Variants in ZNF804A observed in about 807,000 individuals in gnomAD.
ZNF804A encodes the protein zinc finger protein 804A.
In ZNF804A, 2 loss-of-function variants were observed where a neutral mutation model predicts 16.5. The ratio of observed to expected loss-of-function variants is 0.12; its 90% confidence interval spans 0.05 to 0.38. ZNF804A has a LOEUF of 0.38. Among genes scored for constraint, ZNF804A ranks in the 10% least tolerant of loss-of-function variants. The pLI is 0.99. For missense variants in ZNF804A, 1,473 were observed against 1,390.7 expected (o/e 1.06, Z -0.94); for synonymous variants, 534 against 489.6 (o/e 1.09, Z -1.20).
intron 1 of ZNF804A, among the ~76,000 whole-genome samples, chr2:184,841,360 G>T (rs922922878): frequency 2.0e-5 from 3 of 152,110 alleles, no homozygotes; most frequent in African/African-American, 7.2e-5. Context: ...CTTTTAAAAT[G>T]ATATTTGCAG....
intron 1 of ZNF804A, among the ~76,000 whole-genome samples, chr2:184,824,351 T>C (rs1176717692): frequency 6.6e-6 from 1 of 152,132 alleles, no homozygotes; most frequent in African/African-American, 2.4e-5. Flanking sequence ...AAAGTACATA[T>C]CTTTGGATGG....
chr2:184,818,689 C>CA (rs1172989623), intron 1 of ZNF804A, among the ~76,000 whole-genome samples: 3 of 149,590 alleles, frequency 2.0e-5, no homozygotes, highest in Non-Finnish European at 3.0e-5. Context: ...GACATAGGCT[C>CA]AAAAAAAAGG....
chr2:184,926,533 A>G (rs549430311), intron 2 of ZNF804A, among the ~76,000 whole-genome samples: 6 of 151,962 alleles, frequency 3.9e-5, no homozygotes, highest in African/African-American at 1.4e-4. Context: ...TTACTTGGAT[A>G]TTGGTAACTT....
chr2:184,886,935 A>G (rs1423407888), intron 2 of ZNF804A, among the ~76,000 whole-genome samples: 1 of 152,230 alleles, frequency 6.6e-6, no homozygotes, highest in African/African-American at 2.4e-5. Flanking sequence ...TGGGATTAAC[A>G]TCAGGTTCTT....
At chr2:184,904,290 T>C (rs1054704662) in intron 2 of ZNF804A, among the ~76,000 whole-genome samples, 1 of 152,082 alleles carries the variant, frequency 6.6e-6, no homozygotes, top group Non-Finnish European at 1.5e-5. Context: ...AAAAAATTTT[T>C]ATTAATTTTG....
intron 1 of ZNF804A, among the ~76,000 whole-genome samples, chr2:184,613,630 T>C (rs1691273785): frequency 6.6e-6 from 1 of 152,134 alleles, no homozygotes. Flanking sequence ...TAATTAATTC[T>C]TCTAAGGCAG....
At chr2:184,930,946 T>A (rs1685688660) in intron 2 of ZNF804A, among the ~76,000 whole-genome samples, 1 of 152,194 alleles carries the variant, frequency 6.6e-6, no homozygotes, top group Admixed American at 6.5e-5. Flanking sequence ...GACTCACAGT[T>A]CCACATGGCT....
chr2:184,742,930 C>G (rs1693731292), intron 1 of ZNF804A, among the ~76,000 whole-genome samples: 1 of 151,782 alleles, frequency 6.6e-6, no homozygotes, highest in Non-Finnish European at 1.5e-5. Context: ...TCTCATAGTT[C>G]ACAGTTTCAG....
At position 184,936,082 on chromosome 2, in the gene ZNF804A, C is replaced by T. The variant is rs1363387536; in HGVS notation, c.686C>T (p.Ser229Leu). The change falls in exon 4 of 4, where the codon TCA (serine) becomes TTA (leucine). Residue 229 changes from serine to leucine, a missense_variant. Coordinates refer to ENST00000302277, the MANE Select transcript of ZNF804A (RefSeq NM_194250.2). The stretch of plus-strand genomic sequence containing the variant: ...AAAGCGTCCGTGAAGCTAGAGTCCT[C>T]AGCTGCAGCCTTCTCTGAATACAGT... ...PKKASVKLES[S>L]AAAFSEYSDD... 1 of 1,613,962 alleles carries T rather than the reference C, an allele frequency of 6.2e-7. No individual in the cohort carries two copies. Among genetic ancestry groups the T allele is most frequent in the Non-Finnish European group, 8.5e-7 (1 of 1,179,966 alleles).
chr2:184,804,966 G>T (rs1008418105), intron 1 of ZNF804A, among the ~76,000 whole-genome samples: 2 of 152,020 alleles, frequency 1.3e-5, no homozygotes, highest in African/African-American at 4.8e-5. Flanking sequence ...ATGTATACCC[G>T]CAGATTTTCT....
intron 1 of ZNF804A, among the ~76,000 whole-genome samples, chr2:184,775,106 G>A (rs1036211343): frequency 2.0e-5 from 3 of 151,646 alleles, no homozygotes; most frequent in African/African-American, 7.3e-5. Context: ...CCTATTGTAA[G>A]TAATAATGTA....
chr2:184,704,845 T>C (rs1404402092), intron 1 of ZNF804A, among the ~76,000 whole-genome samples: 1 of 152,202 alleles, frequency 6.6e-6, no homozygotes, highest in African/African-American at 2.4e-5. Context: ...AACAACTGAC[T>C]GCTCAAACCT....
At chr2:184,698,689 A>G (rs769792301) in intron 1 of ZNF804A, among the ~76,000 whole-genome samples, 1 of 152,074 alleles carries the variant, frequency 6.6e-6, no homozygotes, top group Non-Finnish European at 1.5e-5. Context: ...TCAGCAGTTC[A>G]AGTATGTCAG....
intron 1 of ZNF804A, among the ~76,000 whole-genome samples, chr2:184,731,555 T>C (rs558321079): frequency 1.3e-5 from 2 of 149,918 alleles, no homozygotes; most frequent in African/African-American, 2.5e-5. Flanking sequence ...TCTGTTAAGG[T>C]CTTTAACGCT....
chr2:184,611,761 T>C (rs1013527850), intron 1 of ZNF804A, among the ~76,000 whole-genome samples: 2 of 152,290 alleles, frequency 1.3e-5, no homozygotes, highest in African/African-American at 4.8e-5. Context: ...ACAATTTTAT[T>C]AGTAAAGAGT....
intron 1 of ZNF804A, among the ~76,000 whole-genome samples, chr2:184,636,285 T>C (rs1250915932): frequency 2.0e-5 from 3 of 151,502 alleles, no homozygotes; most frequent in Non-Finnish European, 4.4e-5. Context: ...AATGCTGATA[T>C]TTTTATTTTC....
At chr2:184,857,802 G>A (rs1472649104) in intron 1 of ZNF804A, among the ~76,000 whole-genome samples, 3 of 151,868 alleles carry the variant, frequency 2.0e-5, no homozygotes, top group Non-Finnish European at 4.4e-5. Context: ...TCATTTGCAT[G>A]TACATCTTTT....
At chr2:184,924,246 T>C (rs1474224018) in intron 2 of ZNF804A, among the ~76,000 whole-genome samples, 3 of 151,972 alleles carry the variant, frequency 2.0e-5, no homozygotes, top group Non-Finnish European at 4.4e-5. Flanking sequence ...TTCCATCTCG[T>C]TACTTGTTAC....
chr2:184,851,169 A>G (rs1416844780), intron 1 of ZNF804A, among the ~76,000 whole-genome samples: 1 of 151,852 alleles, frequency 6.6e-6, no homozygotes, highest in East Asian at 1.9e-4. Flanking sequence ...ATTACCTCAT[A>G]TACTTTTAAT....
Sources: allele counts gnomAD v4.1 joint callset (sites outside exome capture counted in the v4.1 genomes callset), GRCh38; gene constraint gnomAD v4.1.1; transcripts MANE v1.5; gene names NCBI Gene and HGNC (gene_info 2026-07-23, HGNC 2026-07-21).